PRDM5: variants seen among roughly 807,000 people sequenced by gnomAD.
PRDM5 encodes PR domain zinc finger protein 5.
A neutral mutation model predicts 81.2 loss-of-function variants in PRDM5; 56 were observed. The ratio of observed to expected loss-of-function variants is 0.69; its 90% confidence interval spans 0.56 to 0.86. The LOEUF is 0.86. Ranked by LOEUF, PRDM5 falls within the 40% of genes least tolerant of loss-of-function variation. The pLI is 0.00. For synonymous variants in PRDM5, 267 were observed against 256.4 expected (o/e 1.04, Z -0.39); for missense variants, 697 against 770.1 (o/e 0.91, Z 1.12).
chr4:120,740,628 G>A (rs1310874824), intron 14 of PRDM5, among the ~76,000 whole-genome samples: 3 of 152,106 alleles, frequency 2.0e-5, no homozygotes, highest in Non-Finnish European at 4.4e-5. Context: ...TCTCAAAGGT[G>A]TCCCTCATAT....
Position 120,761,863 on chromosome 4 carries a change from T to C in PRDM5, c.1538-7225A>G, listed in dbSNP as rs578110931. Among the ~76,000 whole-genome samples, 22 of 152,234 alleles carry C rather than the reference T, an allele frequency of 1.4e-4. No homozygotes were observed. In the South Asian group the frequency reaches 4.2e-3, roughly 29 times the overall value. Reference sequence around the variant, plus strand: ...TGTTCATGCTACTAAATACACTGAATTAATATGTTAATAATGACCATGATC... The same window carrying C: ...TGTTCATGCTACTAAATACACTGAACTAATATGTTAATAATGACCATGATC... On this transcript the variant is annotated intron_variant, in intron 13 of 15. Transcript: ENST00000264808.
At chr4:120,747,479 G>A (rs1160235241) in intron 14 of PRDM5, among the ~76,000 whole-genome samples, 1 of 151,576 alleles carries the variant, frequency 6.6e-6, no homozygotes, top group Non-Finnish European at 1.5e-5. Context: ...AAATTTTTGG[G>A]GGGATAATTT....
At chr4:120,715,344 T>C (rs1444257247) in intron 14 of PRDM5, among the ~76,000 whole-genome samples, 1 of 152,180 alleles carries the variant, frequency 6.6e-6, no homozygotes, top group African/African-American at 2.4e-5. Flanking sequence ...ATCTACCATG[T>C]TGCCAGAAAT....
intron 2 of PRDM5, among the ~76,000 whole-genome samples, chr4:120,894,282 A>C (rs1764382028): frequency 1.3e-5 from 2 of 152,192 alleles, no homozygotes; most frequent in South Asian, 4.1e-4. Context: ...CCCTCCAGCC[A>C]TTCAAATTGT....
intron 10 of PRDM5, among the ~76,000 whole-genome samples, chr4:120,796,238 A>G (rs1462266381): frequency 6.6e-6 from 1 of 152,178 alleles, no homozygotes; most frequent in Non-Finnish European, 1.5e-5. Context: ...TGATTCTTGG[A>G]GAATATTTCA....
At chr4:120,921,454 C>T (rs1177425417) in intron 1 of PRDM5, among the ~76,000 whole-genome samples, 1 of 152,142 alleles carries the variant, frequency 6.6e-6, no homozygotes, top group African/African-American at 2.4e-5. Context: ...CAGTGGAGCC[C>T]TTTTTGGGGA....
chr4:120,787,839 T>C (rs1749987508), intron 10 of PRDM5, among the ~76,000 whole-genome samples: 1 of 152,174 alleles, frequency 6.6e-6, no homozygotes, highest in South Asian at 2.1e-4. Flanking sequence ...GGTACTTGAA[T>C]ATTTCAAGTC....
intron 8 of PRDM5, chr4:120,810,466 T>A (rs1222934464): frequency 6.6e-6 from 1 of 152,102 alleles, no homozygotes; most frequent in Non-Finnish European, 1.5e-5. Context: ...AAAAGTAATC[T>A]CAGTGCTCAT....
intron 2 of PRDM5, chr4:120,895,756 C>T (rs1205817296): frequency 3.3e-5 from 5 of 152,214 alleles, no homozygotes; most frequent in African/African-American, 7.2e-5. Context: ...AGCTCACTGA[C>T]ACCTCAACCT....
chr4:120,909,016 C>T (rs1217621886), intron 1 of PRDM5, among the ~76,000 whole-genome samples: 1 of 152,176 alleles, frequency 6.6e-6, no homozygotes, highest in African/African-American at 2.4e-5. Flanking sequence ...TCCACAAGAA[C>T]AGGGGAGAAG....
At chr4:120,849,003 T>C (rs929206621) in intron 3 of PRDM5, among the ~76,000 whole-genome samples, 1 of 152,140 alleles carries the variant, frequency 6.6e-6, no homozygotes, top group African/African-American at 2.4e-5. Flanking sequence ...ATTCTAAAAA[T>C]GCCACTTGTA....
At chr4:120,820,965 G>T (rs184428939) in intron 4 of PRDM5, among the ~76,000 whole-genome samples, 1 of 152,230 alleles carries the variant, frequency 6.6e-6, no homozygotes, top group Non-Finnish European at 1.5e-5. Context: ...AGTCCTATAG[G>T]GTACATCCAT....
intron 2 of PRDM5, among the ~76,000 whole-genome samples, chr4:120,897,593 C>G (rs1416795308): frequency 1.3e-5 from 2 of 152,154 alleles, no homozygotes; most frequent in Admixed American, 6.5e-5. Context: ...CTAAAAGGTC[C>G]TAACATTACA....
At chr4:120,749,609 C>T (rs1314758335) in intron 14 of PRDM5, among the ~76,000 whole-genome samples, 1 of 152,206 alleles carries the variant, frequency 6.6e-6, no homozygotes, top group Non-Finnish European at 1.5e-5. Context: ...GAAACAAAAG[C>T]CTTCTGCCTC....
rs1027163579 is a variant in PRDM5 at position 120,742,841 on chromosome 4, T to C, written c.1623+11712A>G. On this transcript the variant is annotated intron_variant, in intron 14 of 15. Transcript: ENST00000264808. ...AAGTGATGGGGAGAATGGAACCAAG[T>C]TGGAAAACACTCTGCAGGATATTAT... Among the ~76,000 whole-genome samples, 14 of 152,168 alleles carry C rather than the reference T, an allele frequency of 9.2e-5. No homozygotes were observed. In the East Asian group the frequency reaches 1.4e-3, roughly 15 times the overall value.
At chr4:120,876,492 T>G (rs996105943) in intron 2 of PRDM5, among the ~76,000 whole-genome samples, 3 of 152,220 alleles carry the variant, frequency 2.0e-5, no homozygotes, top group Non-Finnish European at 2.9e-5. Context: ...GACTTGTGAT[T>G]TTTATTGTTT....
At chr4:120,756,918 T>C (rs77038018) in intron 13 of PRDM5, among the ~76,000 whole-genome samples, 5,342 of 152,290 alleles carry the variant, frequency 0.035, 308 homozygotes, top group African/African-American at 0.12. Flanking sequence ...CTAGCAAGCC[T>C]AAGATAATTC....
At chr4:120,850,298 G>T (rs1393813572) in intron 3 of PRDM5, among the ~76,000 whole-genome samples, 1 of 152,080 alleles carries the variant, frequency 6.6e-6, no homozygotes, top group African/African-American at 2.4e-5. Flanking sequence ...ATAATGTTAT[G>T]CAGGAAACAT....
At chr4:120,743,957 C>G (rs1157118944) in intron 14 of PRDM5, among the ~76,000 whole-genome samples, 1 of 151,966 alleles carries the variant, frequency 6.6e-6, no homozygotes, top group East Asian at 1.9e-4. Context: ...AACTCTTCAC[C>G]CCAAATCAAC....
Sources: gnomAD v4.1 joint callset for allele counts (sites outside exome capture counted in the v4.1 genomes callset) on GRCh38, gnomAD v4.1.1 for gene constraint, MANE v1.5 for transcripts, NCBI Gene and HGNC (gene_info 2026-07-23, HGNC 2026-07-21) for gene names.